Variants in PIGL observed in about 807,000 individuals in gnomAD.
PIGL encodes N-acetylglucosaminyl-phosphatidylinositol de-N-acetylase.
In PIGL, 22 loss-of-function variants were observed where a neutral mutation model predicts 31.1. That is an observed-to-expected ratio of 0.71 (90% confidence interval 0.51 to 1.01). PIGL has a LOEUF of 1.01. Ranked by LOEUF, PIGL falls within the 50% of genes least tolerant of loss-of-function variation. The pLI, the probability that PIGL is intolerant of heterozygous loss-of-function variation, is 0.00. For missense variants in PIGL, 302 were observed against 315.9 expected (o/e 0.96, Z 0.33); for synonymous variants, 131 against 117.4 (o/e 1.12, Z -0.75).
At chr17:16,319,575 C>T (rs1351950637) in intron 6 of PIGL, among the ~76,000 whole-genome samples, 1 of 151,834 alleles carries the variant, frequency 6.6e-6, no homozygotes, top group Non-Finnish European at 1.5e-5. Flanking sequence ...GGCAACACGG[C>T]GAAACCCCGT....
rs552338410 is a variant in PIGL, at chr17:16,241,253, G to A, written c.335+7183G>A. The stretch of plus-strand genomic sequence containing the variant: ...GCAAAGGAGGAGAATTGGGTATGAA[G>A]AGATAATAAATTAGGCATCTTTAGC... On this transcript the variant is annotated intron_variant, in intron 2 of 6. Transcript: ENST00000225609. 4.6e-5 allele frequency among the ~76,000 whole-genome samples: 7 copies of A among 151,806 alleles called. No homozygotes were observed. In the East Asian group the frequency reaches 1.2e-3, roughly 25 times the overall value.
chr17:16,278,354 G>A (rs2092904007), intron 2 of PIGL, among the ~76,000 whole-genome samples: 1 of 151,918 alleles, frequency 6.6e-6, no homozygotes, highest in Non-Finnish European at 1.5e-5. Context: ...CTCCCAAAGT[G>A]CTGGGATTAC....
chr17:16,217,415 C>T lies in PIGL; in HGVS notation c.189C>T (p.Gly63=), dbSNP rs758785326. ...TGTTTTTTGCTCCCACAGTGCTAGG[C>T]TTGGCCCGCCTAAGGCACTGGGTGT... The part of the protein sequence containing the change: ...EAMFFAPTVL[G]LARLRHWVYL... Residue 63 remains glycine, a synonymous_variant, in exon 1 of 7, where the codon GGC becomes GGT. Coordinates refer to ENST00000225609, the MANE Select transcript of PIGL (RefSeq NM_004278.4). The T allele has an allele frequency of 6.2e-7, 1 of 1,614,178 alleles. No individual in the cohort carries two copies. Among genetic ancestry groups the T allele is most frequent in the Non-Finnish European group, 8.5e-7 (1 of 1,180,024 alleles).
intron 2 of PIGL, among the ~76,000 whole-genome samples, chr17:16,284,917 A>G (rs910064696): frequency 6.6e-6 from 1 of 152,148 alleles, no homozygotes; most frequent in African/African-American, 2.4e-5. Context: ...TGATAAATCG[A>G]CTCTGTCTAG....
At chr17:16,306,316 T>A (rs1173065055) in intron 3 of PIGL, among the ~76,000 whole-genome samples, 1 of 152,088 alleles carries the variant, frequency 6.6e-6, no homozygotes, top group Non-Finnish European at 1.5e-5. Context: ...CTGGCATTAC[T>A]TTTCCTGATC....
At chr17:16,319,479 A>G (rs2093093498) in intron 6 of PIGL, among the ~76,000 whole-genome samples, 1 of 151,634 alleles carries the variant, frequency 6.6e-6, no homozygotes, top group Non-Finnish European at 1.5e-5. Context: ...GGGAGGCCAG[A>G]CGCCGTGGCT....
intron 2 of PIGL, among the ~76,000 whole-genome samples, chr17:16,234,946 AC>A (rs2092693719): frequency 6.6e-6 from 1 of 152,036 alleles, no homozygotes; most frequent in Non-Finnish European, 1.5e-5. Flanking sequence ...AGTATCATAA[AC>A]CCCCATTTGC....
intron 1 of PIGL, among the ~76,000 whole-genome samples, chr17:16,223,572 A>G (rs2092639013): frequency 6.6e-6 from 1 of 151,568 alleles, no homozygotes; most frequent in Admixed American, 6.6e-5. Flanking sequence ...GCTAGACTCT[A>G]TCTCAAAAAT....
intron 6 of PIGL, among the ~76,000 whole-genome samples, chr17:16,323,067 G>T (rs2142881034): frequency 6.6e-6 from 1 of 152,272 alleles, no homozygotes; most frequent in African/African-American, 2.4e-5. Context: ...CACAAAACAA[G>T]GTTATATATT....
intron 1 of PIGL, among the ~76,000 whole-genome samples, chr17:16,220,116 G>GA (rs2092619686): frequency 6.6e-6 from 1 of 152,054 alleles, no homozygotes; most frequent in African/African-American, 2.4e-5. Context: ...TTGGGAGGCC[G>GA]AGGCGGGCAG....
At chr17:16,228,684 G>A (rs141959992) in intron 1 of PIGL, among the ~76,000 whole-genome samples, 43 of 152,250 alleles carry the variant, frequency 2.8e-4, no homozygotes, top group East Asian at 2.3e-3. Flanking sequence ...CACCACGCCC[G>A]GCGATTTTAA....
chr17:16,242,065 T>G (rs1224297021), intron 2 of PIGL, among the ~76,000 whole-genome samples: 2 of 152,106 alleles, frequency 1.3e-5, no homozygotes, highest in Non-Finnish European at 2.9e-5. Context: ...GGTTTTTTTT[T>G]GTTTGTTTTT....
intron 2 of PIGL, among the ~76,000 whole-genome samples, chr17:16,245,782 A>G (rs533505363): frequency 1.4e-4 from 20 of 138,558 alleles, no homozygotes; most frequent in Admixed American, 4.3e-4. Flanking sequence ...ACACACACAT[A>G]TATATATATA....
intron 2 of PIGL, among the ~76,000 whole-genome samples, chr17:16,253,884 A>G (rs1383968140): frequency 6.6e-6 from 1 of 152,128 alleles, no homozygotes; most frequent in African/African-American, 2.4e-5. Context: ...TCAAGGCTGC[A>G]ATTAGTGATG....
rs984741555 is a variant in PIGL at position 16,237,249 on chromosome 17, A to C, written c.335+3179A>C. Among the ~76,000 whole-genome samples the C allele has an allele frequency of 4.6e-4, 69 of 151,574 alleles. 2 individuals are homozygous for C. Among genetic ancestry groups the C allele is most frequent in the Admixed American group, 4.6e-3 (69 of 15,162 alleles). ...CAGCCTCCTGAGTAGCTGGGATTAC[A>C]GGCACACACCACTACACCTGGCTAA... On this transcript the variant is annotated intron_variant, in intron 2 of 6. Transcript: ENST00000225609.
chr17:16,325,838 C>A lies in PIGL; in HGVS notation c.699C>A (p.Phe233Leu). The A allele has an allele frequency of 6.2e-7, 1 of 1,613,996 alleles. No homozygotes were observed. Reference protein sequence around the residue: ...MSCHRSQLLWFRRLYIIFSRY... With the variant: ...MSCHRSQLLWLRRLYIIFSRY... ...GCCACCGCAGCCAGCTCCTCTGGTT[C>A]CGCCGCCTCTACATTATCTTCTCCC... The change falls in exon 7 of 7, where the codon TTC (phenylalanine) becomes TTA (leucine). Residue 233 changes from phenylalanine (F) to leucine (L), a missense_variant. Transcript: ENST00000225609.
At chr17:16,274,549 CT>C (rs767614930) in intron 2 of PIGL, among the ~76,000 whole-genome samples, 1 of 151,704 alleles carries the variant, frequency 6.6e-6, no homozygotes, top group African/African-American at 2.4e-5. Flanking sequence ...ATGGTGAAAC[CT>C]CGTCTCTACT....
rs1171079537 is a variant in PIGL, at chr17:16,220,477, G to GT, written c.235+3018dup. Among the ~76,000 whole-genome samples, 58 of 70,044 alleles carry GT rather than the reference G, an allele frequency of 8.3e-4. 3 individuals are homozygous for GT. Among genetic ancestry groups the GT allele is most frequent in the African/African-American group, 2.5e-3 (51 of 20,028 alleles). The allele number at this position is 70,044 out of a possible 152,430, so 46.0% of individuals were successfully genotyped here. ...TTCTTTATTTGTGTTTTTTTAAATT[G>GT]TTATTTTTTTTTTTTTTTTTTTTTT... On this transcript the variant is annotated intron_variant, in intron 1 of 6. Coordinates refer to ENST00000225609, the MANE Select transcript of PIGL (RefSeq NM_004278.4).
At chr17:16,311,481 TG>T (rs1715809042) in intron 3 of PIGL, among the ~76,000 whole-genome samples, 2 of 109,672 alleles carry the variant, frequency 1.8e-5, no homozygotes, top group Non-Finnish European at 3.7e-5. Flanking sequence ...TTTTTTTTTT[TG>T]ATCATTCTTG....
Sources: gnomAD v4.1 joint callset for allele counts (sites outside exome capture counted in the v4.1 genomes callset) on GRCh38, gnomAD v4.1.1 for gene constraint, MANE v1.5 for transcripts, NCBI Gene and HGNC (gene_info 2026-07-23, HGNC 2026-07-21) for gene names.